Variants in KCNQ5 observed in about 807,000 individuals in gnomAD.
The protein encoded by KCNQ5 is potassium voltage-gated channel subfamily Q member 5.
KCNQ5 carries 30 observed loss-of-function variants against 98.2 expected under a neutral mutation model. That is an observed-to-expected ratio of 0.31 (90% confidence interval 0.23 to 0.41). KCNQ5 has a LOEUF of 0.41. KCNQ5 is among the 10% of genes least tolerant of loss of function. The pLI is 1.00. For missense variants in KCNQ5, 835 were observed against 1,182.5 expected, an observed-to-expected ratio of 0.71 and a Z score of 4.31; for synonymous variants, 458 against 449.4, an observed-to-expected ratio of 1.02 and a Z score of -0.24.
chr6:73,180,015 G>T (rs186540582), intron 11 of KCNQ5, among the ~76,000 whole-genome samples: 3 of 152,246 alleles, frequency 2.0e-5, no homozygotes, highest in Non-Finnish European at 4.4e-5. Flanking sequence ...ATGAATGAAT[G>T]AATGAATGGA....
intron 8 of KCNQ5, 97 bp downstream of exon 8, chr6:73,120,674 G>T: frequency 1.4e-6 from 1 of 699,264 alleles, no homozygotes; most frequent in Non-Finnish European, 2.3e-6. Context: ...TTAATGTTTG[G>T]CTTCTCTTAT....
At chr6:72,839,040 G>A (rs1405343489) in intron 1 of KCNQ5, among the ~76,000 whole-genome samples, 1 of 150,014 alleles carries the variant, frequency 6.7e-6, no homozygotes, top group African/African-American at 2.4e-5. Flanking sequence ...TAATGTTTTA[G>A]TTCACTTTTT....
chr6:72,666,923 T>C (rs1417704897), intron 1 of KCNQ5, among the ~76,000 whole-genome samples: 1 of 152,216 alleles, frequency 6.6e-6, no homozygotes, highest in Non-Finnish European at 1.5e-5. Context: ...ACATGTTCCA[T>C]TGTTTATAGA....
chr6:72,837,984 G>T (rs569638845), intron 1 of KCNQ5, among the ~76,000 whole-genome samples: 2 of 151,472 alleles, frequency 1.3e-5, no homozygotes, highest in East Asian at 1.9e-4. Flanking sequence ...TTAAGTTTTA[G>T]GGTACATGTG....
At chr6:73,114,446 G>T (rs962008992) in intron 7 of KCNQ5, among the ~76,000 whole-genome samples, 1 of 152,194 alleles carries the variant, frequency 6.6e-6, no homozygotes, top group Non-Finnish European at 1.5e-5. Flanking sequence ...TAAAACCCCA[G>T]AAGCTTGCAG....
At chr6:72,921,399 G>A (rs1217937797) in intron 1 of KCNQ5, among the ~76,000 whole-genome samples, 7 of 152,206 alleles carry the variant, frequency 4.6e-5, no homozygotes, top group Non-Finnish European at 8.8e-5. Flanking sequence ...CATGTTTGGC[G>A]TGAGTAGAAG....
chr6:73,035,780 C>T (rs1771385463), intron 2 of KCNQ5, among the ~76,000 whole-genome samples: 1 of 152,076 alleles, frequency 6.6e-6, no homozygotes, highest in Admixed American at 6.5e-5. Context: ...CTGGCAATGG[C>T]TTTTTTAAAT....
At chr6:72,651,316 A>G (rs1333748078) in intron 1 of KCNQ5, among the ~76,000 whole-genome samples, 2 of 152,128 alleles carry the variant, frequency 1.3e-5, no homozygotes, top group Non-Finnish European at 2.9e-5. Context: ...AAGGATGGAC[A>G]GATGGATGCA....
intron 1 of KCNQ5, among the ~76,000 whole-genome samples, chr6:72,879,663 G>T (rs2150171445): frequency 6.6e-6 from 1 of 152,078 alleles, no homozygotes; most frequent in South Asian, 2.1e-4. Flanking sequence ...ATACTTTCTT[G>T]CCCTAATGTA....
intron 1 of KCNQ5, among the ~76,000 whole-genome samples, chr6:72,926,848 TTC>T (rs1173729114): frequency 1.3e-5 from 2 of 152,160 alleles, no homozygotes; most frequent in African/African-American, 4.8e-5. Context: ...CTGTTGAAAA[TTC>T]TCTCTCAGTA....
intron 2 of KCNQ5, among the ~76,000 whole-genome samples, chr6:73,009,851 T>TA (rs1324321811): frequency 2.6e-5 from 4 of 152,222 alleles, no homozygotes; most frequent in South Asian, 2.1e-4. Flanking sequence ...AATAGTGCTA[T>TA]AACTAGTAAG....
chr6:72,706,661 C>A (rs1769099931), intron 1 of KCNQ5, among the ~76,000 whole-genome samples: 1 of 152,030 alleles, frequency 6.6e-6, no homozygotes. Context: ...AATACAGCAA[C>A]CTAAACTGAT....
chr6:72,924,736 T>C (rs551755505), intron 1 of KCNQ5, among the ~76,000 whole-genome samples: 3 of 152,268 alleles, frequency 2.0e-5, no homozygotes, highest in African/African-American at 4.8e-5. Flanking sequence ...GCAACTGCTG[T>C]CTTGGTTTGC....
chr6:73,077,338 C>G lies in KCNQ5; in HGVS notation c.633C>G (p.Ile211Met). ...TTCTTTCAGATACCATTGTTCTTAT[C>G]GCTTCAATAGCAGTTGTTTCTGCAA... Reference protein sequence around the residue: ...PFCVIDTIVLIASIAVVSAKT... With the variant: ...PFCVIDTIVLMASIAVVSAKT... The change falls in exon 4 of 14, where the codon ATC becomes ATG. Residue 211 changes from isoleucine (I) to methionine (M), a missense_variant. Transcript: ENST00000370398. 1 of 1,613,966 alleles carries G rather than the reference C, an allele frequency of 6.2e-7. No homozygotes were observed. The highest frequency in any genetic ancestry group is 8.5e-7 in the Non-Finnish European group (1 of 1,179,930).
At chr6:72,668,502 A>G (rs1301207751) in intron 1 of KCNQ5, among the ~76,000 whole-genome samples, 2 of 152,114 alleles carry the variant, frequency 1.3e-5, no homozygotes, top group African/African-American at 4.8e-5. Context: ...TGGTAGATTT[A>G]GAAAAGTTTT....
chr6:72,690,006 G>A (rs1768133818), intron 1 of KCNQ5, among the ~76,000 whole-genome samples: 1 of 152,158 alleles, frequency 6.6e-6, no homozygotes. Context: ...AGGCGCGGTT[G>A]CTTACGTCTA....
At position 73,130,255 on chromosome 6, in the gene KCNQ5, G is replaced by C. The variant is rs1776174419; in HGVS notation, c.1248-3166G>C. On this transcript the variant is annotated intron_variant, in intron 9 of 13. Transcript: ENST00000370398. ...TAACTACAGCATTCTAAGTCCCAGA[G>C]GATTACTGTGGGGTTATGATGATGC... is the stretch of plus-strand genomic sequence containing the variant. Among the ~76,000 whole-genome samples, 4 of 152,208 alleles carry C rather than the reference G, an allele frequency of 2.6e-5. No individual in the cohort carries two copies. In the South Asian group the frequency reaches 8.3e-4, roughly 32 times the overall value.
chr6:72,632,138 C>CTTTTTTTTTTTTTT (rs71540354), intron 1 of KCNQ5, among the ~76,000 whole-genome samples: 1 of 127,672 alleles, frequency 7.8e-6, no homozygotes, highest in Non-Finnish European at 1.6e-5. Context: ...TTCTTTCTTT[C>CTTTTTTTTTTTTTT]TTTTTTTTTT....
At chr6:72,998,809 A>G (rs1769429958) in intron 1 of KCNQ5, among the ~76,000 whole-genome samples, 1 of 151,070 alleles carries the variant, frequency 6.6e-6, no homozygotes, top group East Asian at 2.0e-4. Flanking sequence ...TACATGGGCC[A>G]TTATGCCATG....
Sources: allele counts gnomAD v4.1 joint callset (sites outside exome capture counted in the v4.1 genomes callset), GRCh38; gene constraint gnomAD v4.1.1; transcripts MANE v1.5; gene names NCBI Gene and HGNC (gene_info 2026-07-23, HGNC 2026-07-21).